Variants in NEK11 observed in about 807,000 individuals in gnomAD.
The protein encoded by NEK11 is serine/threonine-protein kinase Nek11.
Under a neutral mutation model 80.7 loss-of-function variants are expected in NEK11, and 72 were observed. That is an observed-to-expected ratio of 0.89 (90% confidence interval 0.74 to 1.08). The LOEUF is 1.08. Ranked by LOEUF, NEK11 falls within the 50% of genes least tolerant of loss-of-function variation. NEK11 has a pLI of 0.00. For missense variants in NEK11, 764 were observed against 763.6 expected (o/e 1.00, Z -0.01); for synonymous variants, 251 against 260.7 (o/e 0.96, Z 0.36).
rs1311938155 is a variant in NEK11, at chr3:131,155,016, A to C, written c.877-20A>C. Reference sequence around the variant, plus strand: ...TAAAGAGGAGCCTTTAAGATATGTCAGGGTTGATCTTTTTTTCAGAACCTA... The same window carrying C: ...TAAAGAGGAGCCTTTAAGATATGTCCGGGTTGATCTTTTTTTCAGAACCTA... On this transcript the variant is annotated intron_variant, in intron 9 of 17. Transcript: ENST00000383366. 2 of 1,436,904 alleles carry C rather than the reference A, an allele frequency of 1.4e-6. No individual in the cohort carries two copies. Among genetic ancestry groups the C allele is most frequent in the Non-Finnish European group, 2.0e-6 (2 of 1,019,134 alleles). The allele number at this position is 1,436,904 out of a possible 1,614,324, so 89.0% of individuals were successfully genotyped here.
chr3:131,139,336 G>A (rs951584461), intron 7 of NEK11, among the ~76,000 whole-genome samples: 1 of 142,610 alleles, frequency 7.0e-6, no homozygotes, highest in African/African-American at 2.5e-5. Context: ...CACAGTCAGA[G>A]GAGATAAGAG....
chr3:131,261,715 T>A (rs766446878), intron 16 of NEK11, among the ~76,000 whole-genome samples: 5 of 152,174 alleles, frequency 3.3e-5, no homozygotes, highest in Non-Finnish European at 5.9e-5. Flanking sequence ...ATACATAGTA[T>A]AGTGTCTTAT....
At chr3:131,178,829 C>T (rs772906940) in intron 14 of NEK11, among the ~76,000 whole-genome samples, 41 of 152,224 alleles carry the variant, frequency 2.7e-4, no homozygotes, top group Non-Finnish European at 3.7e-4. Context: ...GTTTACACTG[C>T]GTCACTAGGT....
intron 5 of NEK11, among the ~76,000 whole-genome samples, chr3:131,118,962 C>T (rs1381654513): frequency 6.6e-6 from 1 of 152,090 alleles, no homozygotes; most frequent in African/African-American, 2.4e-5. Flanking sequence ...TTTTGTGTCT[C>T]TATCTTCTTC....
At chr3:131,216,470 A>T (rs1018573811) in intron 14 of NEK11, among the ~76,000 whole-genome samples, 7 of 152,232 alleles carry the variant, frequency 4.6e-5, no homozygotes, top group Non-Finnish European at 5.9e-5. Context: ...CCTGTGTAAG[A>T]CATGATGCCA....
intron 17 of NEK11, among the ~76,000 whole-genome samples, chr3:131,274,632 CTTTTTTTTTTTT>C (rs756861338): frequency 2.6e-4 from 12 of 45,302 alleles, no homozygotes; most frequent in South Asian, 1.1e-3. Flanking sequence ...TGTTTCCTGA[CTTTTTTTTTTTT>C]TTTTTTTTTT....
At chr3:131,319,248 C>A (rs2096874352) in intron 17 of NEK11, among the ~76,000 whole-genome samples, 1 of 152,044 alleles carries the variant, frequency 6.6e-6, no homozygotes, top group Admixed American at 6.6e-5. Context: ...TATTAAAAGT[C>A]ATTTATTTAA....
intron 7 of NEK11, among the ~76,000 whole-genome samples, chr3:131,149,933 T>A (rs1350054214): frequency 6.6e-6 from 1 of 152,176 alleles, no homozygotes; most frequent in East Asian, 1.9e-4. Context: ...ATACGGTAGA[T>A]ATTAAGTTTT....
intron 15 of NEK11, among the ~76,000 whole-genome samples, chr3:131,236,388 A>G (rs1472055679): frequency 6.6e-6 from 1 of 151,896 alleles, no homozygotes; most frequent in Non-Finnish European, 1.5e-5. Context: ...TCGTCTCTTT[A>G]TCCTTTACAT....
chr3:131,260,180 T>C (rs1581037800), intron 16 of NEK11, among the ~76,000 whole-genome samples: 1 of 152,196 alleles, frequency 6.6e-6, no homozygotes, highest in Non-Finnish European at 1.5e-5. Context: ...GGGGAAGTTC[T>C]GTCTGATGAT....
At chr3:131,196,172 A>G (rs1002512543) in intron 14 of NEK11, among the ~76,000 whole-genome samples, 9 of 152,170 alleles carry the variant, frequency 5.9e-5, no homozygotes, top group African/African-American at 1.9e-4. Flanking sequence ...TTCCAGAGAT[A>G]TGCAATGATA....
In NEK11 at chr3:131,029,627, T is replaced by G; in HGVS notation, c.-82T>G. 7.4e-7 allele frequency: 1 copy of G among 1,353,726 alleles called. No individual in the cohort carries two copies. Among genetic ancestry groups the G allele is most frequent in the Non-Finnish European group, 1.0e-6 (1 of 967,414 alleles). 83.9% of individuals were successfully genotyped at this position (1,353,726 alleles called of 1,614,324 possible). A position where few individuals can be genotyped will look rare whatever the true frequency, so the allele number is the denominator to read the frequency against. On this transcript the variant is annotated 5_prime_UTR_variant, in exon 3 of 18. Transcript: ENST00000383366. ...TCATCTTTAAGGAACTGACCAACAC[T>G]GGATGAATTTGACCATTTCTTAGGA...
rs150003066 is a variant in NEK11 at position 131,161,552 on chromosome 3, G to A, written c.963-856G>A. On this transcript the variant is annotated intron_variant, in intron 10 of 17. Coordinates refer to ENST00000383366, the MANE Select transcript of NEK11 (RefSeq NM_024800.5). ...TGCAGCAACATAGACAGAGCTGGAG[G>A]CCATTATCCTTAGCAAAGTAATGCA... Among the ~76,000 whole-genome samples the A allele has an allele frequency of 3.4e-3, 524 of 152,186 alleles. 4 individuals are homozygous for A. The highest frequency in any genetic ancestry group is 5.8e-3 in the Non-Finnish European group (394 of 68,012).
At chr3:131,109,599 T>C in intron 4 of NEK11, 1 of 497,062 alleles carries the variant, frequency 2.0e-6, no homozygotes, top group Non-Finnish European at 3.5e-6. Flanking sequence ...TTAAAGTCTT[T>C]ATAGGTTAAT....
chr3:131,273,594 C>G lies in NEK11; in HGVS notation c.1718+20C>G, dbSNP rs1443707401. 1 of 1,572,422 alleles carries G rather than the reference C, an allele frequency of 6.4e-7. No homozygotes were observed. Among genetic ancestry groups the G allele is most frequent in the Non-Finnish European group, 8.8e-7 (1 of 1,142,772 alleles). The stretch of plus-strand genomic sequence containing the variant: ...GAGGGAGTAAGTAGCATGTTGCCTG[C>G]CCCCTAGGAAGGTGCAGTGTTAAAG... On this transcript the variant is annotated intron_variant, in intron 17 of 17. Coordinates refer to ENST00000383366, the MANE Select transcript of NEK11 (RefSeq NM_024800.5).
chr3:131,107,352 A>C (rs935353656), intron 4 of NEK11, among the ~76,000 whole-genome samples: 7 of 144,414 alleles, frequency 4.8e-5, no homozygotes, highest in African/African-American at 1.7e-4. Flanking sequence ...CTAAAACTTA[A>C]AGTATAATAA....
intron 17 of NEK11, among the ~76,000 whole-genome samples, chr3:131,277,361 C>T (rs1283202400): frequency 6.6e-6 from 1 of 152,162 alleles, no homozygotes; most frequent in Non-Finnish European, 1.5e-5. Context: ...CCTTGGATGT[C>T]CATTAGGCAT....
rs149840686 is a variant in NEK11, at chr3:131,286,896, C to T, written c.1718+13322C>T. On this transcript the variant is annotated intron_variant, in intron 17 of 17. Coordinates refer to ENST00000383366, the MANE Select transcript of NEK11 (RefSeq NM_024800.5). ...GAGTTTCACCTGTCCTTCATTAAGACCCTTGGGGTGTGAGGGGCACATGCA... is the reference window on the plus strand; with the variant it reads ...GAGTTTCACCTGTCCTTCATTAAGATCCTTGGGGTGTGAGGGGCACATGCA... Among the ~76,000 whole-genome samples, 363 of 152,264 alleles carry T rather than the reference C, an allele frequency of 2.4e-3. 2 individuals are homozygous for T. The highest frequency in any genetic ancestry group is 8.3e-3 in the African/African-American group (344 of 41,560).
intron 5 of NEK11, among the ~76,000 whole-genome samples, chr3:131,120,078 G>A (rs1388781649): frequency 6.6e-6 from 1 of 152,152 alleles, no homozygotes; most frequent in African/African-American, 2.4e-5. Context: ...TAGCATCGAT[G>A]GTCTTTACAA....
Sources: allele counts gnomAD v4.1 joint callset (sites outside exome capture counted in the v4.1 genomes callset), GRCh38; gene constraint gnomAD v4.1.1; transcripts MANE v1.5; gene names NCBI Gene and HGNC (gene_info 2026-07-23, HGNC 2026-07-21).